The following UBXN11 variants were observed in gnomAD, a reference collection of about 807,000 sequenced individuals.
The protein encoded by UBXN11 is UBX domain protein 11.
A neutral mutation model predicts 62.8 loss-of-function variants in UBXN11; 47 were observed. The observed-to-expected ratio is 0.75, with a 90% CI of 0.59 to 0.95. UBXN11 has a LOEUF of 0.95. UBXN11 is among the 40% of genes least tolerant of loss of function. UBXN11 has a pLI of 0.00. For synonymous variants in UBXN11, 294 were observed against 267.0 expected, an observed-to-expected ratio of 1.10 and a Z score of -0.99; for missense variants, 638 against 661.7, an observed-to-expected ratio of 0.96 and a Z score of 0.39.
At chr1:26,308,330 G>A (rs1422134354), upstream of UBXN11, among the ~76,000 whole-genome samples, 2 of 152,042 alleles carry the variant, frequency 1.3e-5, no homozygotes. Context: ...GCTCAGGGTA[G>A]TACAGCGGCT....
At chr1:26,313,995 T>A (rs988622505) in intron 1 of UBXN11, among the ~76,000 whole-genome samples, 1 of 152,182 alleles carries the variant, frequency 6.6e-6, no homozygotes, top group African/African-American at 2.4e-5. Context: ...TTAGCCAGGA[T>A]GGTCTCGATC....
intron 1 of UBXN11, 44 bp from the exon 2 acceptor site, chr1:26,302,962 C>G: frequency 6.9e-7 from 1 of 1,440,346 alleles, no homozygotes; most frequent in Non-Finnish European, 9.6e-7. Flanking sequence ...AGACTCAGGG[C>G]TCCAAGCCCA....
chr1:26,296,567 G>C (rs2073397265), intron 7 of UBXN11, among the ~76,000 whole-genome samples: 3 of 152,344 alleles, frequency 2.0e-5, no homozygotes, highest in Non-Finnish European at 1.5e-5. Flanking sequence ...GGGCCTCATG[G>C]CTGGAGGGGA....
In UBXN11 at chr1:26,315,744, CCTT is replaced by C. The variant is rs1454483661; in HGVS notation, c.-149+2300_-149+2302del. Among the ~76,000 whole-genome samples the C allele has an allele frequency of 3.9e-5, 6 of 152,306 alleles. No homozygotes were observed. The South Asian group carries it at 1.2e-3, about 32-fold the overall frequency. On this transcript the variant is annotated intron_variant, in intron 1 of 14. Coordinates refer to the UBXN11 transcript ENST00000374217. The stretch of plus-strand genomic sequence containing the variant: ...GCACGATCTCGGCTCACTGCAACCT[CCTT>C]CTCCCGGGTTCAAGTGATTCTCCTG...
intron 10 of UBXN11, 181 bp from the exon 11 acceptor site, chr1:26,284,663 C>T: frequency 7.3e-7 from 1 of 1,365,496 alleles, no homozygotes; most frequent in East Asian, 2.9e-5. Flanking sequence ...CTCCCTCAGC[C>T]CTGCTGCTCC....
chr1:26,297,972 A>T lies in UBXN11; in HGVS notation c.290T>A (p.Ile97Lys). The change falls in exon 5 of 15, where the codon ATA becomes AAA. Residue 97 changes from isoleucine (I) to lysine (K), a missense_variant. Ile to Lys is a moderately radical substitution (Grantham distance 102). Coordinates refer to ENST00000374222, the MANE Select transcript of UBXN11 (RefSeq NM_001389556.1). ...EQQVKAQTDE[I>K]LSKDQKIAAL... ...CACCTGGAGCCCCACCTTGGACAGT[A>T]TCTCATCAGTCTGGGCCTTCACCTG... The T allele has an allele frequency of 6.2e-7, 1 of 1,613,770 alleles. No homozygotes were observed. The highest frequency in any genetic ancestry group is 1.1e-5 in the South Asian group (1 of 90,974).
chr1:26,309,646 GT>G (rs1488070573), upstream of UBXN11, among the ~76,000 whole-genome samples: 1 of 152,180 alleles, frequency 6.6e-6, no homozygotes, highest in Non-Finnish European at 1.5e-5. Flanking sequence ...GCCATCATTT[GT>G]TGGGGATACA....
intron 4 of UBXN11, among the ~76,000 whole-genome samples, chr1:26,299,370 G>C (rs1451565889): frequency 2.6e-5 from 4 of 152,088 alleles, no homozygotes; most frequent in East Asian, 3.8e-4. Context: ...AAATTAGCCA[G>C]GCATGGTGGT....
chr1:26,305,652 G>A (rs1478252140), intron 1 of UBXN11, among the ~76,000 whole-genome samples: 1 of 148,210 alleles, frequency 6.7e-6, no homozygotes, highest in African/African-American at 2.5e-5. Context: ...TGTAATACGT[G>A]AATTATATCT....
At chr1:26,287,291 T>C (rs2073155038) in intron 8 of UBXN11, among the ~76,000 whole-genome samples, 1 of 72,904 alleles carries the variant, frequency 1.4e-5, no homozygotes, top group African/African-American at 5.0e-5. Context: ...CTGACAAAGC[T>C]CTGGCCTCCT....
intron 1 of UBXN11, 53 bp from the exon 2 acceptor site, chr1:26,302,971 C>T: frequency 7.4e-7 from 1 of 1,350,474 alleles, no homozygotes; most frequent in Non-Finnish European, 1.0e-6. Flanking sequence ...GCTCCAAGCC[C>T]AGGGGGTAGC....
Position 26,283,058 on chromosome 1 carries a change from G to T in UBXN11, c.1078-121C>A, listed in dbSNP as rs897034238. On this transcript the variant is annotated intron_variant, in intron 12 of 14. Transcript: ENST00000374222. The stretch of plus-strand genomic sequence containing the variant: ...GAGACCAGTGAGCAAAGCGGGAGGG[G>T]GTGTTCTGTATAAACCAAGGCCAGA... 349 of 1,311,506 alleles carry T rather than the reference G, an allele frequency of 2.7e-4. No individual in the cohort carries two copies. The Middle Eastern group carries it at 5.4e-3, about 20-fold the overall frequency. The allele number at this position is 1,311,506 out of a possible 1,614,324, so 81.2% of individuals were successfully genotyped here. A position where few individuals can be genotyped will look rare whatever the true frequency, so the allele number is the denominator to read the frequency against.
intron 8 of UBXN11, among the ~76,000 whole-genome samples, chr1:26,291,454 T>C (rs2073264742): frequency 6.6e-6 from 1 of 152,086 alleles, no homozygotes; most frequent in Admixed American, 6.5e-5. Flanking sequence ...GCCTCCAAGA[T>C]GGAGGGCAGG....
chr1:26,294,512 A>C (rs575481695), intron 7 of UBXN11, among the ~76,000 whole-genome samples, 181 bp from the exon 8 acceptor site: 10 of 152,352 alleles, frequency 6.6e-5, no homozygotes, highest in Admixed American at 2.6e-4. Context: ...AAGCCACCTC[A>C]GTCCCTAGAG....
upstream of UBXN11, among the ~76,000 whole-genome samples, chr1:26,311,243 G>A (rs1426524408): frequency 3.3e-5 from 5 of 151,538 alleles, no homozygotes; most frequent in Middle Eastern, 6.8e-3. Flanking sequence ...AGGTTCAAGC[G>A]ATTCTCTGCC....
Position 26,284,415 on chromosome 1 carries a change from A to T in UBXN11, c.920T>A (p.Val307Glu). The T allele has an allele frequency of 6.2e-7, 1 of 1,613,826 alleles. No individual in the cohort carries two copies. The highest frequency in any genetic ancestry group is 8.5e-7 in the Non-Finnish European group (1 of 1,179,860). ...GLDPFPGEGR[V>E]VGRQLMHKAL... ...CTTGTGCATCAGCTGCCTGCCCACCACACGGCCCTCGCCTGGGAAGGGGTC... is the reference window on the plus strand; with the variant it reads ...CTTGTGCATCAGCTGCCTGCCCACCTCACGGCCCTCGCCTGGGAAGGGGTC... Residue 307 changes from valine to glutamate, a missense_variant, in exon 11 of 15, where the codon GTG (valine) becomes GAG (glutamate). Coordinates refer to ENST00000374222, the MANE Select transcript of UBXN11 (RefSeq NM_001389556.1).
intron 1 of UBXN11, among the ~76,000 whole-genome samples, chr1:26,303,607 G>A (rs1255151854): frequency 2.7e-5 from 3 of 109,838 alleles, no homozygotes; most frequent in African/African-American, 1.1e-4. Context: ...ACCAACCTGG[G>A]CAACAAGAGC....
At chr1:26,318,349 G>T in exon 1 of UBXN11, 2 of 412,378 alleles carry the variant, frequency 4.8e-6, no homozygotes, top group Middle Eastern at 6.7e-4. Flanking sequence ...CACCCAAGGG[G>T]TGTTGTGGAA....
At chr1:26,311,932 C>T (rs999541140) in intron 1 of UBXN11, among the ~76,000 whole-genome samples, 70 of 152,174 alleles carry the variant, frequency 4.6e-4, no homozygotes, top group African/African-American at 1.6e-3. Context: ...TCTCTTCCAC[C>T]TTCTCCCTTC....
Sources: gnomAD v4.1 joint callset for allele counts (sites outside exome capture counted in the v4.1 genomes callset) on GRCh38, gnomAD v4.1.1 for gene constraint, MANE v1.5 for transcripts, NCBI Gene and HGNC (gene_info 2026-07-23, HGNC 2026-07-21) for gene names.